LRCH4: variants seen among roughly 807,000 people sequenced by gnomAD.
LRCH4 encodes the protein leucine-rich repeat and calponin homology domain-containing protein 4.
In LRCH4, 56 loss-of-function variants were observed where a neutral mutation model predicts 81.2. The observed-to-expected ratio is 0.69, with a 90% confidence interval of 0.56 to 0.86. LRCH4 has a LOEUF of 0.86. Ranked by LOEUF, LRCH4 falls within the 40% of genes least tolerant of loss-of-function variation. LRCH4 has a pLI of 0.00. For missense variants in LRCH4, 895 were observed against 922.8 expected, an observed-to-expected ratio of 0.97 and a Z score of 0.39; for synonymous variants, 442 against 409.7, an observed-to-expected ratio of 1.08 and a Z score of -0.95.
In LRCH4 at chr7:100,577,348, G is replaced by A. The variant is rs1365394446; in HGVS notation, c.1220C>T (p.Thr407Ile). Reference sequence around the variant, plus strand: ...TTCCCGCTCCTGCCACAGCTGCAAGGTGTCCGGGCGCCGCCGCTCCTCCCC... The same window carrying A: ...TTCCCGCTCCTGCCACAGCTGCAAGATGTCCGGGCGCCGCCGCTCCTCCCC... ...PAGEERRRPDTLQLWQERERR... is the reference protein window; with the variant it reads ...PAGEERRRPDILQLWQERERR... Residue 407 changes from threonine (T) to isoleucine (I), a missense_variant, in exon 11 of 18, where the codon ACC becomes ATC. By Grantham distance (89) the Thr-to-Ile change is moderately conservative. Around this residue, in one of 3 missense-constraint regions of LRCH4, gnomAD observed 529 missense variants for 504.9 expected, o/e 1.05. Transcript: ENST00000310300. The surrounding 1 kb of genome is among the most constrained non-coding windows in gnomAD (Gnocchi z 6.7). 1 of 1,599,466 alleles carries A rather than the reference G, an allele frequency of 6.3e-7. No individual in the cohort carries two copies.
At chr7:100,580,422 A>ACACACG (rs1801494623) in intron 4 of LRCH4, 1 of 151,744 alleles carries the variant, frequency 6.6e-6, no homozygotes, top group Non-Finnish European at 1.5e-5. Context: ...ACACACACAC[A>ACACACG]CACACACACA....
intron 4 of LRCH4, 34 bp downstream of exon 4, chr7:100,581,743 A>C (rs1183430943): frequency 6.2e-7 from 1 of 1,601,514 alleles, no homozygotes; most frequent in Non-Finnish European, 8.6e-7. Context: ...ACGCACATAC[A>C]AACACCTCCT....
In LRCH4 at chr7:100,578,331, G is replaced by A. The variant is rs1052184245; in HGVS notation, c.848+68C>T. 32 of 1,599,658 alleles carry A rather than the reference G, an allele frequency of 2.0e-5. No homozygotes were observed. The highest frequency in any genetic ancestry group is 1.7e-4 in the Middle Eastern group (1 of 6,052). ...CCCCCATCCTCCTGCCAGAAAGCAG[G>A]GGGTGCCTGGGGCCGGGAAGGGGCA... On this transcript the variant is annotated intron_variant, in intron 6 of 17. Coordinates refer to ENST00000310300, the MANE Select transcript of LRCH4 (RefSeq NM_002319.5). This position sits in a 1 kb window ranked among gnomAD's most constrained non-coding sequence, Gnocchi z 5.7.
At position 100,577,987 on chromosome 7, in the gene LRCH4, G is replaced by A; in HGVS notation, c.949-75C>T. The A allele has an allele frequency of 7.2e-7, 1 of 1,385,098 alleles. No individual in the cohort carries two copies. The allele number at this position is 1,385,098 out of a possible 1,614,324, so 85.8% of individuals were successfully genotyped here. ...CTCAGGACCTGGGGGGTCCTGTGTG[G>A]GACTAAGCTCAGGGTCTCTGCTGAG... On this transcript the variant is annotated intron_variant, in intron 7 of 17. Coordinates refer to ENST00000310300, the MANE Select transcript of LRCH4 (RefSeq NM_002319.5). This position sits in a 1 kb window ranked among gnomAD's most constrained non-coding sequence, Gnocchi z 6.7.
At position 100,582,558 on chromosome 7, in the gene LRCH4, A is replaced by G; in HGVS notation, c.221-99T>C. The G allele has an allele frequency of 8.2e-7, 1 of 1,223,172 alleles. No individual in the cohort carries two copies. Among genetic ancestry groups the G allele is most frequent in the Non-Finnish European group, 1.1e-6 (1 of 872,556 alleles). 75.8% of individuals were successfully genotyped at this position (1,223,172 alleles called of 1,614,324 possible). A position where few individuals can be genotyped will look rare whatever the true frequency, so the allele number is the denominator to read the frequency against. Reference sequence around the variant, plus strand: ...CGGCTGCCCACTCCCTCACCTCCACACCTAAAGATTCAAGGCCATCAATGT... The same window carrying G: ...CGGCTGCCCACTCCCTCACCTCCACGCCTAAAGATTCAAGGCCATCAATGT... On this transcript the variant is annotated intron_variant, in intron 1 of 17. Coordinates refer to ENST00000310300, the MANE Select transcript of LRCH4 (RefSeq NM_002319.5). The surrounding 1 kb of genome is among the most constrained non-coding windows in gnomAD (Gnocchi z 5.0).
rs2075668 is a variant in LRCH4, at chr7:100,575,858, A to G, written c.1776+13T>C. 0.25 allele frequency: 398,176 copies of G among 1,611,906 alleles called. 51,292 individuals carry two copies. Among genetic ancestry groups the G allele is most frequent in the African/African-American group, 0.35 (26,350 of 74,960 alleles). On this transcript the variant is annotated intron_variant, in intron 16 of 17. Transcript: ENST00000310300. This position sits in a 1 kb window ranked among gnomAD's most constrained non-coding sequence, Gnocchi z 5.3. ...CCGGCCCATCCCCCACCTCTTCCCC[A>G]GCCCCAACTGACCACAGCAGGGGAG...
rs77221373 is a variant in LRCH4, at chr7:100,574,110, C to T, written c.*997G>A. The stretch of plus-strand genomic sequence containing the variant: ...GTCCTTCCACCCAGACCCTCGACCC[C>T]AGAGGCAGCCAGGCCGGCAGGCCAA... On this transcript the variant is annotated 3_prime_UTR_variant, in exon 18 of 18. Coordinates refer to ENST00000310300, the MANE Select transcript of LRCH4 (RefSeq NM_002319.5). 0.01 allele frequency: 1,558 copies of T among 154,878 alleles called. 34 individuals are homozygous for T. Among genetic ancestry groups the T allele is most frequent in the African/African-American group, 0.036 (1,488 of 41,600 alleles). 9.6% of individuals were successfully genotyped at this position (154,878 alleles called of 1,614,324 possible).
chr7:100,574,632 G>GCGTGCGCACACACACACACACACACA lies in LRCH4; in HGVS notation c.*474_*475insTGTGTGTGTGTGTGTGTGTGCGCACG, dbSNP rs200891670. On this transcript the variant is annotated 3_prime_UTR_variant, in exon 18 of 18. Transcript: ENST00000310300. ...ACGCGGAGCAGACGCGCGCGCGCGC[G>GCGTGCGCACACACACACACACACACA]CACACACACACACACAGGCAGGGCG... 1 of 151,928 alleles carries GCGTGCGCACACACACACACACACACA rather than the reference G, an allele frequency of 6.6e-6. No homozygotes were observed. Among genetic ancestry groups the GCGTGCGCACACACACACACACACACA allele is most frequent in the Non-Finnish European group, 1.5e-5 (1 of 68,886 alleles). The allele number at this position is 151,928 out of a possible 1,614,324, so 9.4% of individuals were successfully genotyped here.
intron 13 of LRCH4, 44 bp from the exon 14 acceptor site, chr7:100,576,821 A>G: frequency 1.3e-6 from 2 of 1,542,860 alleles, no homozygotes; most frequent in Non-Finnish European, 1.8e-6. Flanking sequence ...CAGGTGAGAC[A>G]GGCATCCCCT....
chr7:100,583,958 C>T lies in LRCH4; in HGVS notation c.221-1499G>A. 1 of 353,868 alleles carries T rather than the reference C, an allele frequency of 2.8e-6. No homozygotes were observed. The highest frequency in any genetic ancestry group is 5.7e-6 in the Non-Finnish European group (1 of 175,956). The allele number at this position is 353,868 out of a possible 1,614,324, so 21.9% of individuals were successfully genotyped here. On this transcript the variant is annotated intron_variant, in intron 1 of 17. Transcript: ENST00000310300. The surrounding 1 kb of genome is among the most constrained non-coding windows in gnomAD (Gnocchi z 4.3). ...GGGCACTGGGGGCACAGGATGTGGT[C>T]TGGGAGAGAATGAGCTGCACTTCTC...
At position 100,582,332 on chromosome 7, in the gene LRCH4, G is replaced by A. The variant is rs373954622; in HGVS notation, c.348C>T (p.Leu116=). 7 of 1,614,170 alleles carry A rather than the reference G, an allele frequency of 4.3e-6. No individual in the cohort carries two copies. The African/African-American group carries it at 8.0e-5, about 18-fold the overall frequency. ...CTCCCTACCTGAGGTTGAGGTAGGT[G>A]AGGGCTGTGAGATTCCCCAAGGCTG... ...LNPALGNLTA[L]TYLNLSRNQL... is the part of the protein sequence containing the mutation. Residue 116 remains leucine, a synonymous_variant, in exon 2 of 18, where the codon CTC becomes CTT. Transcript: ENST00000310300. The surrounding 1 kb of genome is among the most constrained non-coding windows in gnomAD (Gnocchi z 5.0).
chr7:100,576,321 G>T lies in LRCH4; in HGVS notation c.1555C>A (p.Pro519Thr). The change falls in exon 15 of 18, where the codon CCT (proline) becomes ACT (threonine). Residue 519 changes from proline to threonine, a missense_variant and splice_region_variant. By Grantham distance (38) the Pro-to-Thr change is conservative. Transcript: ENST00000310300. ...FRSSSQSGSG[P>T]SSPDSVLRPR... The stretch of plus-strand genomic sequence containing the variant: ...CTCAGGACAGAGTCTGGTGAGGAAG[G>T]GCCTAGGAGAAAAAGGGGGGCATGG... The T allele has an allele frequency of 6.2e-7, 1 of 1,613,506 alleles. No individual in the cohort carries two copies. Among genetic ancestry groups the T allele is most frequent in the Non-Finnish European group, 8.5e-7 (1 of 1,179,550 alleles).
chr7:100,585,439 G>C lies in LRCH4; in HGVS notation c.220+442C>G, dbSNP rs561405014. 1.1e-4 allele frequency: 17 copies of C among 158,718 alleles called. No individual in the cohort carries two copies. The South Asian group carries it at 2.6e-3, about 24-fold the overall frequency. The allele number at this position is 158,718 out of a possible 1,614,324, so 9.8% of individuals were successfully genotyped here. A position where few individuals can be genotyped will look rare whatever the true frequency, so the allele number is the denominator to read the frequency against. On this transcript the variant is annotated intron_variant, in intron 1 of 17. Coordinates refer to ENST00000310300, the MANE Select transcript of LRCH4 (RefSeq NM_002319.5). ...GGCTTAGGGGCCAGTCACTGGGAAG[G>C]GGGTGCCCGGGGCTGCTCGGATCTC... is the stretch of plus-strand genomic sequence containing the variant.
chr7:100,584,512 A>G (rs895562625), intron 1 of LRCH4, among the ~76,000 whole-genome samples: 1 of 151,754 alleles, frequency 6.6e-6, no homozygotes, highest in Non-Finnish European at 1.5e-5. Flanking sequence ...CTAAGGAAGT[A>G]AAGAATAACA....
At chr7:100,585,805 CCCGGGCCGGGCGGGGCCCGGGGT>C in intron 1 of LRCH4, 53 bp downstream of exon 1, 4 of 1,421,220 alleles carry the variant, frequency 2.8e-6, no homozygotes, top group Non-Finnish European at 3.7e-6. Flanking sequence ...GGGCCCGACT[CCCGGGCCGGGCGGGGCCCGGGGT>C]GGGGCTATGC....
chr7:100,576,531 T>C (rs1801364852), intron 14 of LRCH4, 163 bp downstream of exon 14: 1 of 704,190 alleles, frequency 1.4e-6, no homozygotes, highest in Non-Finnish European at 2.4e-6. Flanking sequence ...CCTAAAGTGC[T>C]GCGATTACAG....
chr7:100,582,294 G>A lies in LRCH4; in HGVS notation c.365+21C>T. On this transcript the variant is annotated intron_variant, in intron 2 of 17. Coordinates refer to ENST00000310300, the MANE Select transcript of LRCH4 (RefSeq NM_002319.5). The surrounding 1 kb of genome is among the most constrained non-coding windows in gnomAD (Gnocchi z 5.0). ...ACTGAGAAGCACACGCTCCCACGTG[G>A]CCCTGGCTCGGCCTCCCTACCTGAG... 1 of 1,614,062 alleles carries A rather than the reference G, an allele frequency of 6.2e-7. No homozygotes were observed. The highest frequency in any genetic ancestry group is 8.5e-7 in the Non-Finnish European group (1 of 1,180,020).
chr7:100,576,198 G>GGCCCAGGCCCCT, intron 15 of LRCH4, 40 bp downstream of exon 15: 1 of 1,597,390 alleles, frequency 6.3e-7, no homozygotes, highest in Non-Finnish European at 8.6e-7. Context: ...GGAGGTGCCC[G>GGCCCAGGCCCCT]GCCCAGGCCC....
intron 1 of LRCH4, 118 bp downstream of exon 1, chr7:100,585,763 G>A (rs754937775): frequency 3.4e-5 from 37 of 1,082,048 alleles, no homozygotes; most frequent in Non-Finnish European, 4.6e-5. Context: ...CAATCAGGAG[G>A]GGCAGCAACC....
Sources: gnomAD v4.1 joint callset for allele counts (sites outside exome capture counted in the v4.1 genomes callset) on GRCh38, gnomAD v4.1.1 for gene constraint, gnomAD v4.1.1 regional missense constraint, Gnocchi (gnomAD v3.1) non-coding constraint, MANE v1.5 for transcripts, NCBI Gene and HGNC (gene_info 2026-07-23, HGNC 2026-07-21) for gene names.